DNAH11: variants seen among roughly 807,000 people sequenced by gnomAD.
DNAH11 encodes dynein axonemal heavy chain 11.
Under a neutral mutation model 526.0 loss-of-function variants are expected in DNAH11, and 442 were observed. The observed-to-expected ratio is 0.84, with a 90% confidence interval of 0.78 to 0.91. DNAH11 has a LOEUF of 0.91. DNAH11 is among the 40% of genes least tolerant of loss of function. The pLI is 0.00. For missense variants in DNAH11, 6,989 were observed against 5,448.7 expected (o/e 1.28, Z -8.90); for synonymous variants, 2,461 against 1,935.9 (o/e 1.27, Z -7.12).
intron 8 of DNAH11, among the ~76,000 whole-genome samples, chr7:21,577,053 C>T (rs1456786677): frequency 6.6e-6 from 1 of 152,132 alleles, no homozygotes; most frequent in Non-Finnish European, 1.5e-5. Flanking sequence ...ACTCAAGAAA[C>T]AACAACGTGA....
chr7:21,665,170 C>G (rs10950868), intron 30 of DNAH11, among the ~76,000 whole-genome samples: 60,527 of 151,668 alleles, frequency 0.4, 13,141 homozygotes, highest in Non-Finnish European at 0.49. Flanking sequence ...TGACCTCTCC[C>G]CCTTTCTACC....
At chr7:21,650,239 A>G (rs1787564282) in intron 28 of DNAH11, among the ~76,000 whole-genome samples, 2 of 152,246 alleles carry the variant, frequency 1.3e-5, no homozygotes, top group Non-Finnish European at 1.5e-5. Flanking sequence ...AATAAGTGAG[A>G]AATCAAATTA....
At chr7:21,600,181 T>G in intron 15 of DNAH11, 62 bp downstream of exon 15, 1 of 1,409,638 alleles carries the variant, frequency 7.1e-7, no homozygotes. Flanking sequence ...AAATTGTGGC[T>G]GAGTATGGTA....
At chr7:21,606,380 T>C (rs1355192067) in intron 18 of DNAH11, 46 bp from the exon 19 acceptor site, 1 of 1,431,228 alleles carries the variant, frequency 7.0e-7, no homozygotes, top group Non-Finnish European at 9.6e-7. Context: ...GGTTGATTTG[T>C]TTTAGGAATT....
intron 74 of DNAH11, among the ~76,000 whole-genome samples, chr7:21,877,568 C>T (rs776647497): frequency 5.3e-5 from 8 of 152,130 alleles, no homozygotes; most frequent in Admixed American, 1.3e-4. Context: ...CATCTACCTA[C>T]GCCTTTCAGC....
In DNAH11 at chr7:21,873,402, C is replaced by A. The variant is rs1783574296; in HGVS notation, c.12096C>A (p.Ile4032=). 1 of 1,613,880 alleles carries A rather than the reference C, an allele frequency of 6.2e-7. No homozygotes were observed. Among genetic ancestry groups the A allele is most frequent in the South Asian group, 1.1e-5 (1 of 91,082 alleles). ...CTGCACCTACACCAGATGAGCATATCATCCCTCAAGGACTCCTGGAAAATT... is the reference window on the plus strand; with the variant it reads ...CTGCACCTACACCAGATGAGCATATAATCCCTCAAGGACTCCTGGAAAATT... ...AESAPTPDEH[I]IPQGLLENSI... The change falls in exon 74 of 82, where the codon ATC becomes ATA. Residue 4032 remains isoleucine (I), a synonymous_variant. Coordinates refer to ENST00000409508, the MANE Select transcript of DNAH11 (RefSeq NM_001277115.2).
At chr7:21,594,345 T>C (rs537038275) in intron 14 of DNAH11, among the ~76,000 whole-genome samples, 2 of 152,300 alleles carry the variant, frequency 1.3e-5, no homozygotes, top group African/African-American at 4.8e-5. Context: ...GAAATATTTA[T>C]TGTGAGCATT....
rs759658070 is a variant in DNAH11 at position 21,620,056 on chromosome 7, T to C, written c.4478T>C (p.Phe1493Ser). Residue 1493 changes from phenylalanine to serine, a missense_variant, in exon 25 of 82, where the codon TTT (phenylalanine) becomes TCT (serine). Transcript: ENST00000409508. The stretch of plus-strand genomic sequence containing the variant: ...TTACTAAAGTCTGATGAACAACTTT[T>C]TGAAACTCTAGAGCACAACCAAGTA... ...IPLLKSDEQLFETLEHNQVQL... is the reference protein window; with the variant it reads ...IPLLKSDEQLSETLEHNQVQL... 2 of 1,600,706 alleles carry C rather than the reference T, an allele frequency of 1.2e-6. No homozygotes were observed. Among genetic ancestry groups the C allele is most frequent in the Non-Finnish European group, 1.7e-6 (2 of 1,175,866 alleles).
At chr7:21,674,702 G>T (rs1782797504) in intron 30 of DNAH11, among the ~76,000 whole-genome samples, 1 of 151,384 alleles carries the variant, frequency 6.6e-6, no homozygotes, top group South Asian at 2.1e-4. Context: ...TTTTATGGCT[G>T]CTCAGTTTCC....
chr7:21,729,480 CT>C lies in DNAH11; in HGVS notation c.7440+3497del, dbSNP rs1326594593. Reference sequence around the variant, plus strand: ...CAAATCTTTAAGTTCTAGTTCCTTTCTGCTTAACAGTTACTTCTTCAGTATG... The same window carrying C: ...CAAATCTTTAAGTTCTAGTTCCTTTCGCTTAACAGTTACTTCTTCAGTATG... On this transcript the variant is annotated intron_variant, in intron 45 of 81. Transcript: ENST00000409508. Among the ~76,000 whole-genome samples, 3 of 151,986 alleles carry C rather than the reference CT, an allele frequency of 2.0e-5. No homozygotes were observed. The East Asian group carries it at 5.8e-4, about 29-fold the overall frequency.
chr7:21,568,996 T>C (rs1307905828), intron 6 of DNAH11, among the ~76,000 whole-genome samples: 1 of 152,206 alleles, frequency 6.6e-6, no homozygotes, highest in Non-Finnish European at 1.5e-5. Flanking sequence ...TAATTTTCTA[T>C]CTAACCTGAC....
chr7:21,590,868 G>A (rs1784648298), intron 12 of DNAH11, 50 bp from the exon 13 acceptor site: 1 of 1,104,764 alleles, frequency 9.1e-7, no homozygotes, highest in African/African-American at 1.7e-5. Flanking sequence ...AGTTAAAATA[G>A]AATGACATTA....
At chr7:21,780,671 G>C (rs1459486422) in intron 57 of DNAH11, among the ~76,000 whole-genome samples, 1 of 152,112 alleles carries the variant, frequency 6.6e-6, no homozygotes, top group Non-Finnish European at 1.5e-5. Context: ...TCATCTGACA[G>C]GTTGTTTAGT....
chr7:21,660,877 A>G (rs1782217243), intron 30 of DNAH11, among the ~76,000 whole-genome samples: 1 of 152,104 alleles, frequency 6.6e-6, no homozygotes, highest in Admixed American at 6.6e-5. Context: ...TATTATCTAC[A>G]TATTTTCTTG....
chr7:21,659,314 C>G (rs1425084654), intron 30 of DNAH11, among the ~76,000 whole-genome samples: 1 of 149,634 alleles, frequency 6.7e-6, no homozygotes, highest in Non-Finnish European at 1.5e-5. Context: ...GTGTAAGACT[C>G]TCCAACTAGG....
At chr7:21,760,914 A>C (rs1366741867) in intron 54 of DNAH11, among the ~76,000 whole-genome samples, 1 of 152,226 alleles carries the variant, frequency 6.6e-6, no homozygotes, top group African/African-American at 2.4e-5. Context: ...ATTAAATTAT[A>C]GACAATATAA....
intron 78 of DNAH11, 25 bp from the exon 79 acceptor site, chr7:21,894,859 G>C: frequency 6.2e-7 from 1 of 1,613,346 alleles, no homozygotes; most frequent in Non-Finnish European, 8.5e-7. Context: ...GATATTCACT[G>C]TGTGGCTTTT....
chr7:21,667,304 A>G (rs1175732116), intron 30 of DNAH11, among the ~76,000 whole-genome samples: 3 of 152,156 alleles, frequency 2.0e-5, no homozygotes, highest in African/African-American at 7.2e-5. Context: ...ACTGAAGAGC[A>G]GGAGTTGGCC....
At chr7:21,664,139 T>TTTG (rs2128467360) in intron 30 of DNAH11, among the ~76,000 whole-genome samples, 1 of 151,550 alleles carries the variant, frequency 6.6e-6, no homozygotes, top group Admixed American at 6.6e-5. Flanking sequence ...CCAAAGTTTT[T>TTTG]TTTTTTTTTT....
Sources: gnomAD v4.1 joint callset for allele counts (sites outside exome capture counted in the v4.1 genomes callset) on GRCh38, gnomAD v4.1.1 for gene constraint, MANE v1.5 for transcripts, NCBI Gene and HGNC (gene_info 2026-07-23, HGNC 2026-07-21) for gene names.